PXDNL: variants seen among roughly 807,000 people sequenced by gnomAD.
PXDNL encodes peroxidasin like, also known as probable oxidoreductase PXDNL.
A neutral mutation model predicts 150.8 loss-of-function variants in PXDNL; 145 were observed. The observed-to-expected ratio is 0.96, with a 90% CI of 0.84 to 1.10. The LOEUF (loss-of-function observed/expected upper bound fraction) is 1.10. PXDNL is among the 50% of genes least tolerant of loss of function. The pLI is 0.00. For synonymous variants in PXDNL, 757 were observed against 725.7 expected, an observed-to-expected ratio of 1.04 and a Z score of -0.69; for missense variants, 2,087 against 1,873.9, an observed-to-expected ratio of 1.11 and a Z score of -2.10.
chr8:51,624,606 A>C (rs913968187), intron 2 of PXDNL, among the ~76,000 whole-genome samples: 2 of 150,338 alleles, frequency 1.3e-5, no homozygotes, highest in African/African-American at 4.9e-5. Flanking sequence ...AACATTAAAA[A>C]TAAAGAAATA....
chr8:51,607,899 GGGGA>G (rs1407871860), intron 2 of PXDNL, among the ~76,000 whole-genome samples: 3 of 91,760 alleles, frequency 3.3e-5, no homozygotes, highest in Non-Finnish European at 6.1e-5. Flanking sequence ...GAAGGAAGGT[GGGGA>G]GGGAGGGAGG....
chr8:51,330,721 C>T (rs946106929), intron 21 of PXDNL, among the ~76,000 whole-genome samples: 11 of 152,096 alleles, frequency 7.2e-5, no homozygotes, highest in Non-Finnish European at 1.6e-4. Flanking sequence ...AACACTACAC[C>T]CTTTGAACCC....
intron 4 of PXDNL, among the ~76,000 whole-genome samples, chr8:51,536,639 T>TA (rs374014977): frequency 6.7e-6 from 1 of 149,794 alleles, no homozygotes; most frequent in Non-Finnish European, 1.5e-5. Flanking sequence ...TTTTTTTTTT[T>TA]AAATGCATTT....
At chr8:51,369,668 T>C (rs1257294601) in intron 19 of PXDNL, among the ~76,000 whole-genome samples, 1 of 144,726 alleles carries the variant, frequency 6.9e-6, no homozygotes, top group Non-Finnish European at 1.5e-5. Context: ...AAAAAAACAC[T>C]GTATGTTTGT....
Position 51,408,430 on chromosome 8 carries a change from T to C in PXDNL, c.3194A>G (p.Tyr1065Cys). The change falls in exon 17 of 23, where the codon TAC becomes TGC. Residue 1065 changes from tyrosine to cysteine, a missense_variant. Tyr to Cys is a radical substitution (Grantham distance 194, BLOSUM62 -2). Coordinates refer to ENST00000356297, the MANE Select transcript of PXDNL (RefSeq NM_144651.5). ...TTCACCTAAGGTGGCATTCAGTCGG[T>C]AAAGAATAGGATTGATTAATGTGTG... ...FGHTLINPIL[Y>C]RLNATLGEIS... 1 of 1,613,968 alleles carries C rather than the reference T, an allele frequency of 6.2e-7. No homozygotes were observed. Among genetic ancestry groups the C allele is most frequent in the Non-Finnish European group, 8.5e-7 (1 of 1,179,890 alleles).
chr8:51,353,778 G>A (rs1806423110), intron 19 of PXDNL, among the ~76,000 whole-genome samples: 1 of 152,146 alleles, frequency 6.6e-6, no homozygotes. Context: ...TGGATGCTAA[G>A]CTATTTCAAA....
chr8:51,319,927 G>T lies in PXDNL; in HGVS notation c.4356C>A (p.Asp1452Glu), dbSNP rs1052704. 417,709 of 1,555,250 alleles carry T rather than the reference G, an allele frequency of 0.27. 60,980 individuals are homozygous for T. Among genetic ancestry groups the T allele is most frequent in the African/African-American group, 0.58 (41,603 of 72,040 alleles). Residue 1452 changes from aspartate to glutamate, a missense_variant, in exon 23 of 23, where the codon GAC (aspartate) becomes GAA (glutamate). Transcript: ENST00000356297. ...CTGGGGAATCACTTGGCATTCCTCG[G>T]TCTCTGCAAACTGGACAGCAGGTTC... ...VKGTCCPVCR[D>E]RGMPSDSPEK...
chr8:51,571,625 C>T (rs1812947058), intron 3 of PXDNL, among the ~76,000 whole-genome samples: 1 of 151,808 alleles, frequency 6.6e-6, no homozygotes. Flanking sequence ...ATTTTTAGAA[C>T]ATTCTTCTCA....
intron 4 of PXDNL, among the ~76,000 whole-genome samples, chr8:51,528,156 A>G (rs1040090724): frequency 1.3e-5 from 2 of 152,228 alleles, no homozygotes; most frequent in African/African-American, 2.4e-5. Flanking sequence ...TACAATTACC[A>G]TGAGACTGAA....
At chr8:51,795,190 A>T (rs1255100594) in intron 1 of PXDNL, among the ~76,000 whole-genome samples, 1 of 152,222 alleles carries the variant, frequency 6.6e-6, no homozygotes, top group Non-Finnish European at 1.5e-5. Flanking sequence ...CCAAAAAATA[A>T]TAGTGGGAGA....
chr8:51,762,840 T>A (rs2037179288), intron 1 of PXDNL, among the ~76,000 whole-genome samples: 1 of 152,142 alleles, frequency 6.6e-6, no homozygotes, highest in Non-Finnish European at 1.5e-5. Context: ...AGAGTTTGAC[T>A]CTTTTCATCA....
At chr8:51,608,587 C>T (rs1440939638) in intron 2 of PXDNL, among the ~76,000 whole-genome samples, 2 of 148,038 alleles carry the variant, frequency 1.4e-5, no homozygotes, top group Non-Finnish European at 3.0e-5. Flanking sequence ...CCTGTAATCC[C>T]AGCACTTTGG....
chr8:51,362,994 A>T (rs576666937), intron 19 of PXDNL, among the ~76,000 whole-genome samples: 1 of 152,316 alleles, frequency 6.6e-6, no homozygotes, highest in African/African-American at 2.4e-5. Flanking sequence ...GGATTCAGTG[A>T]TCTGGACAGA....
intron 1 of PXDNL, among the ~76,000 whole-genome samples, chr8:51,755,325 G>A (rs1296681136): frequency 2.0e-5 from 3 of 149,938 alleles, no homozygotes; most frequent in Non-Finnish European, 3.0e-5. Flanking sequence ...ACAGAGTCTC[G>A]CTGTTGTCGC....
At chr8:51,625,358 A>T (rs540251591) in intron 2 of PXDNL, among the ~76,000 whole-genome samples, 33 of 152,364 alleles carry the variant, frequency 2.2e-4, no homozygotes, top group African/African-American at 7.9e-4. Flanking sequence ...ACTTCTAAAC[A>T]TCACCACCAT....
intron 17 of PXDNL, among the ~76,000 whole-genome samples, chr8:51,388,469 T>G (rs1308798319): frequency 6.6e-6 from 1 of 152,238 alleles, no homozygotes; most frequent in Admixed American, 6.5e-5. Context: ...TGTGAGATTT[T>G]TGGTTGTTGA....
intron 1 of PXDNL, among the ~76,000 whole-genome samples, chr8:51,695,313 G>A (rs903515665): frequency 1.3e-5 from 2 of 152,156 alleles, no homozygotes; most frequent in East Asian, 1.9e-4. Flanking sequence ...TTTAATAGGG[G>A]TTACGTTTAC....
intron 1 of PXDNL, among the ~76,000 whole-genome samples, chr8:51,760,387 A>G (rs2037148685): frequency 6.6e-6 from 1 of 152,226 alleles, no homozygotes; most frequent in South Asian, 2.1e-4. Context: ...TTGTGAAATT[A>G]CAATGAGTAG....
chr8:51,585,466 A>G (rs1813302717), intron 3 of PXDNL, among the ~76,000 whole-genome samples: 1 of 152,150 alleles, frequency 6.6e-6, no homozygotes, highest in East Asian at 1.9e-4. Flanking sequence ...ATGCAATGTC[A>G]CTAACACCAA....
Sources: allele counts gnomAD v4.1 joint callset (sites outside exome capture counted in the v4.1 genomes callset), GRCh38; gene constraint gnomAD v4.1.1; transcripts MANE v1.5; gene names NCBI Gene and HGNC (gene_info 2026-07-23, HGNC 2026-07-21).